Variants in HPSE2 observed in about 807,000 individuals in gnomAD.
HPSE2 encodes the protein inactive heparanase-2.
HPSE2 carries 38 observed loss-of-function variants against 60.5 expected under a neutral mutation model. That is an observed-to-expected ratio of 0.63 (90% CI 0.48 to 0.82). The LOEUF (loss-of-function observed/expected upper bound fraction) is 0.82, where lower values mean the gene tolerates loss of function less well. Ranked by LOEUF, HPSE2 falls within the 40% of genes least tolerant of loss-of-function variation. The probability of loss-of-function intolerance (pLI) is 0.00; values close to 1 mark genes in which losing one functional copy is unlikely to be tolerated. For synonymous variants in HPSE2, 295 were observed against 293.2 expected (o/e 1.01, Z -0.06); for missense variants, 713 against 740.4 (o/e 0.96, Z 0.43).
chr10:99,010,128 G>A (rs890004646), intron 3 of HPSE2, among the ~76,000 whole-genome samples: 1 of 152,138 alleles, frequency 6.6e-6, no homozygotes, highest in Non-Finnish European at 1.5e-5. Flanking sequence ...GATTCTTTAA[G>A]GAATGAGATG....
chr10:99,104,239 G>A (rs1005018951), intron 3 of HPSE2, among the ~76,000 whole-genome samples: 4 of 152,060 alleles, frequency 2.6e-5, no homozygotes, highest in African/African-American at 9.7e-5. Flanking sequence ...TACTCATCTG[G>A]CAAAGGGCTA....
intron 11 of HPSE2, among the ~76,000 whole-genome samples, chr10:98,469,907 TC>T (rs1940705067): frequency 6.6e-6 from 1 of 152,246 alleles, no homozygotes; most frequent in Non-Finnish European, 1.5e-5. Flanking sequence ...AGAATTCATC[TC>T]TCTCTTTCTC....
chr10:98,991,110 G>A (rs1956512980), intron 3 of HPSE2, among the ~76,000 whole-genome samples: 1 of 152,126 alleles, frequency 6.6e-6, no homozygotes, highest in Non-Finnish European at 1.5e-5. Context: ...TTTTAAAAAT[G>A]TCTACTTCAT....
intron 3 of HPSE2, among the ~76,000 whole-genome samples, chr10:98,952,314 TTGTGTGTGTGTGTGTG>T (rs59116303): frequency 2.8e-4 from 38 of 137,510 alleles, no homozygotes; most frequent in East Asian, 1.5e-3. Flanking sequence ...AAGAATTTGT[TTGTGTGTGTGTGTGTG>T]TGTGTGTGTG....
intron 7 of HPSE2, among the ~76,000 whole-genome samples, chr10:98,635,252 A>G (rs1946466936): frequency 6.6e-6 from 1 of 152,348 alleles, no homozygotes; most frequent in Non-Finnish European, 1.5e-5. Flanking sequence ...TGAGGTATGG[A>G]GAAAAGAGAA....
Position 98,609,572 on chromosome 10 carries a change from T to C in HPSE2, c.1320+5332A>G, listed in dbSNP as rs539211994. 5.9e-5 allele frequency among the ~76,000 whole-genome samples: 9 copies of C among 152,310 alleles called. No individual in the cohort carries two copies. In the South Asian group the frequency reaches 1.9e-3, roughly 32 times the overall value. ...AACCACTTTTAACATTTAGATGTAG[T>C]CCCCTTCTGTAATTTTCTACATGTA... On this transcript the variant is annotated intron_variant, in intron 9 of 11. Transcript: ENST00000370552.
intron 2 of HPSE2, among the ~76,000 whole-genome samples, chr10:99,203,769 T>G (rs955085463): frequency 5.3e-5 from 8 of 151,438 alleles, no homozygotes. Flanking sequence ...GAAGTTCTCA[T>G]GGCCCCAGGC....
At chr10:99,174,634 G>A (rs2133811634) in intron 2 of HPSE2, among the ~76,000 whole-genome samples, 1 of 152,262 alleles carries the variant, frequency 6.6e-6, no homozygotes, top group Admixed American at 6.5e-5. Flanking sequence ...TTGTACTTAT[G>A]GAACTACTAG....
At chr10:99,232,059 CG>C in intron 2 of HPSE2, among the ~76,000 whole-genome samples, 1 of 152,226 alleles carries the variant, frequency 6.6e-6, no homozygotes, top group East Asian at 1.9e-4. Context: ...AGCAAAAGGC[CG>C]GCAGCTGGGT....
chr10:98,749,503 G>A (rs1283383486), intron 3 of HPSE2, among the ~76,000 whole-genome samples: 1 of 150,028 alleles, frequency 6.7e-6, no homozygotes, highest in Non-Finnish European at 1.5e-5. Context: ...ATATATATAT[G>A]CATATATACA....
chr10:98,841,016 G>C (rs948911486), intron 3 of HPSE2, among the ~76,000 whole-genome samples: 5 of 152,184 alleles, frequency 3.3e-5, no homozygotes, highest in African/African-American at 1.2e-4. Context: ...TGGCTCACAT[G>C]GGAGGCCAAG....
chr10:99,162,358 A>G (rs1277816916), intron 2 of HPSE2, among the ~76,000 whole-genome samples: 1 of 152,330 alleles, frequency 6.6e-6, no homozygotes, highest in South Asian at 2.1e-4. Flanking sequence ...TCTGCAGATT[A>G]TATGAGATTG....
intron 10 of HPSE2, among the ~76,000 whole-genome samples, chr10:98,488,062 A>G (rs1391443595): frequency 6.6e-6 from 1 of 152,030 alleles, no homozygotes; most frequent in East Asian, 1.9e-4. Flanking sequence ...TCTTTTTAAC[A>G]GAGAGTGAGA....
the HPSE2 span, among the ~76,000 whole-genome samples, chr10:99,257,712 C>T: frequency 6.6e-6 from 1 of 152,084 alleles, no homozygotes; most frequent in African/African-American, 2.4e-5. Flanking sequence ...ATTCTATTAC[C>T]TTGTGAAGTA....
At chr10:98,905,155 C>T (rs1479420717) in intron 3 of HPSE2, among the ~76,000 whole-genome samples, 1 of 151,714 alleles carries the variant, frequency 6.6e-6, no homozygotes, top group Non-Finnish European at 1.5e-5. Flanking sequence ...CTAACAAGTA[C>T]TTCTTCTTTT....
chr10:98,969,125 T>A (rs1213545302), intron 3 of HPSE2, among the ~76,000 whole-genome samples: 1 of 152,174 alleles, frequency 6.6e-6, no homozygotes, highest in African/African-American at 2.4e-5. Context: ...AATGATTATC[T>A]GTAATTTTAC....
intron 3 of HPSE2, among the ~76,000 whole-genome samples, chr10:99,061,938 C>A (rs913178761): frequency 2.6e-5 from 4 of 152,070 alleles, no homozygotes; most frequent in Non-Finnish European, 4.4e-5. Context: ...GGGACAGTGA[C>A]TGCATATGAC....
At chr10:98,696,664 C>T (rs1436692079) in intron 5 of HPSE2, among the ~76,000 whole-genome samples, 1 of 152,254 alleles carries the variant, frequency 6.6e-6, no homozygotes, top group African/African-American at 2.4e-5. Flanking sequence ...GCCTGCTGAC[C>T]TCCCAGGAGG....
chr10:98,965,606 A>T (rs1955794207), intron 3 of HPSE2, among the ~76,000 whole-genome samples: 1 of 152,100 alleles, frequency 6.6e-6, no homozygotes. Context: ...AAATTCTTCC[A>T]TTCTCTTGTG....
Sources: gnomAD v4.1 joint callset for allele counts (sites outside exome capture counted in the v4.1 genomes callset) on GRCh38, gnomAD v4.1.1 for gene constraint, MANE v1.5 for transcripts, NCBI Gene and HGNC (gene_info 2026-07-23, HGNC 2026-07-21) for gene names.